Variants in TMCO1 observed in about 807,000 individuals in gnomAD.
TMCO1 encodes the protein calcium load-activated calcium channel.
TMCO1 carries 29 observed loss-of-function variants against 29.3 expected under a neutral mutation model. The ratio of observed to expected loss-of-function variants is 0.99; its 90% CI spans 0.74 to 1.35. The LOEUF (loss-of-function observed/expected upper bound fraction) is 1.35. TMCO1 is among the 40% of genes most tolerant of loss of function. TMCO1 has a pLI of 0.00. For missense variants in TMCO1, 173 were observed against 225.5 expected, an observed-to-expected ratio of 0.77 and a Z score of 1.49; for synonymous variants, 80 against 77.1, an observed-to-expected ratio of 1.04 and a Z score of -0.20.
downstream of TMCO1, chr1:165,725,719 C>A (rs1460499947): frequency 1.1e-5 from 5 of 454,022 alleles, no homozygotes; most frequent in Non-Finnish European, 2.2e-5. Flanking sequence ...TTCTTCAGGA[C>A]AAGAAATTTT....
downstream of TMCO1, chr1:165,724,368 T>G (rs775909409): frequency 1.1e-5 from 5 of 453,954 alleles, no homozygotes; most frequent in African/African-American, 8.0e-5. Context: ...ACCAATAGTA[T>G]GAAAAAACCA....
chr1:165,761,872 C>T (rs1037371761), intron 2 of TMCO1, among the ~76,000 whole-genome samples: 2 of 151,796 alleles, frequency 1.3e-5, no homozygotes, highest in Admixed American at 6.6e-5. Context: ...TCATGGAAGC[C>T]CAGGAAGTCA....
At chr1:165,724,646 T>C (rs1268297325), downstream of TMCO1, 1 of 454,082 alleles carries the variant, frequency 2.2e-6, no homozygotes, top group East Asian at 6.9e-5. Context: ...CACTCTAGTT[T>C]GAGGACCACA....
intron 2 of TMCO1, among the ~76,000 whole-genome samples, chr1:165,764,951 G>C (rs1432323697): frequency 6.6e-6 from 1 of 152,146 alleles, no homozygotes; most frequent in Non-Finnish European, 1.5e-5. Flanking sequence ...GATGTGAAAT[G>C]ATCTGAAAAC....
At chr1:165,768,430 C>T (rs1330991767) in intron 1 of TMCO1, 161 bp from the exon 2 acceptor site, 1 of 1,520,868 alleles carries the variant, frequency 6.6e-7, no homozygotes, top group Non-Finnish European at 8.9e-7. Flanking sequence ...TCAGCCAAAA[C>T]AACAGTAACA....
At chr1:165,726,274 A>G (rs1307708998), downstream of TMCO1, 1 of 696,978 alleles carries the variant, frequency 1.4e-6, no homozygotes, top group South Asian at 1.5e-5. Context: ...TAGTCTCAGA[A>G]TAGGGACTTC....
At chr1:165,726,482 T>C, downstream of TMCO1, 1 of 538,990 alleles carries the variant, frequency 1.9e-6, no homozygotes, top group Non-Finnish European at 3.5e-6. Context: ...GCCTGGACTA[T>C]TAGGCTTTAC....
intron 6 of TMCO1, among the ~76,000 whole-genome samples, chr1:165,739,883 G>A (rs1331709988): frequency 2.6e-5 from 4 of 151,954 alleles, no homozygotes; most frequent in Non-Finnish European, 5.9e-5. Flanking sequence ...GGCCCAGGTG[G>A]GTGGATCACC....
At position 165,768,674 on chromosome 1, in the gene TMCO1, G is replaced by A. The variant is rs1341528681; in HGVS notation, c.70+8C>T. On this transcript the variant is annotated splice_region_variant and intron_variant, in intron 1 of 6. Transcript: ENST00000367881. ...CTGATCAAACGTCTGAGAAATACCCGCTCTCACCCTCTGCGAGCAGAGCCG... is the reference window on the plus strand; with the variant it reads ...CTGATCAAACGTCTGAGAAATACCCACTCTCACCCTCTGCGAGCAGAGCCG... 2 of 1,613,868 alleles carry A rather than the reference G, an allele frequency of 1.2e-6. No individual in the cohort carries two copies. The highest frequency in any genetic ancestry group is 2.7e-5 in the African/African-American group (2 of 74,832).
At chr1:165,732,601 T>C (rs1651213647) in intron 6 of TMCO1, among the ~76,000 whole-genome samples, 1 of 151,672 alleles carries the variant, frequency 6.6e-6, no homozygotes, top group South Asian at 2.1e-4. Flanking sequence ...TAACATAAAC[T>C]ATGGATTTGG....
intron 3 of TMCO1, among the ~76,000 whole-genome samples, chr1:165,757,147 T>C (rs1240890349): frequency 6.6e-6 from 1 of 152,220 alleles, no homozygotes; most frequent in Admixed American, 6.5e-5. Flanking sequence ...CTTTTCCTGA[T>C]ATTGAAAACT....
At chr1:165,762,446 G>T (rs1652432893) in intron 2 of TMCO1, among the ~76,000 whole-genome samples, 1 of 152,052 alleles carries the variant, frequency 6.6e-6, no homozygotes, top group South Asian at 2.1e-4. Flanking sequence ...TAAAAAGACA[G>T]AAGGCTAGAG....
At position 165,727,511 on chromosome 1, in the gene TMCO1, GCAAAA is replaced by G. The variant is rs1558026709; in HGVS notation, c.*507_*511del. On this transcript the variant is annotated 3_prime_UTR_variant, in exon 7 of 7. Transcript: ENST00000367881. ...GCTAAAACTTATATCTAGAAATACG[GCAAAA>G]CAAAATGAAACAGATCTCTCCTTGT... The G allele has an allele frequency of 2.2e-6, 1 of 452,998 alleles. No individual in the cohort carries two copies. Among genetic ancestry groups the G allele is most frequent in the East Asian group, 7.0e-5 (1 of 14,356 alleles). The allele number at this position is 452,998 out of a possible 1,614,324, so 28.1% of individuals were successfully genotyped here.
chr1:165,735,731 T>C (rs1189920442), intron 6 of TMCO1, among the ~76,000 whole-genome samples: 1 of 152,062 alleles, frequency 6.6e-6, no homozygotes, highest in African/African-American at 2.4e-5. Flanking sequence ...GCAAGGTTGG[T>C]CTGGAACTCC....
At chr1:165,739,136 T>C (rs1265551822) in intron 6 of TMCO1, among the ~76,000 whole-genome samples, 1 of 152,214 alleles carries the variant, frequency 6.6e-6, no homozygotes, top group Non-Finnish European at 1.5e-5. Context: ...TTTTTTGTAT[T>C]CAGCAAGCAT....
chr1:165,752,049 A>T (rs1652010875), intron 5 of TMCO1, 53 bp downstream of exon 5: 2 of 1,391,788 alleles, frequency 1.4e-6, no homozygotes, highest in Non-Finnish European at 2.0e-6. Flanking sequence ...GCTAACATAC[A>T]TACAAATATA....
chr1:165,768,768 T>C lies in TMCO1; in HGVS notation c.-17A>G, dbSNP rs1652680600. 6.2e-7 allele frequency: 1 copy of C among 1,614,054 alleles called. No individual in the cohort carries two copies. Among genetic ancestry groups the C allele is most frequent in the African/African-American group, 1.3e-5 (1 of 75,022 alleles). On this transcript the variant is annotated 5_prime_UTR_variant, in exon 1 of 7. Coordinates refer to ENST00000367881, the MANE Select transcript of TMCO1 (RefSeq NM_019026.6). Reference sequence around the variant, plus strand: ...AGTGCTCATCTCGCACCTTCGTCTCTGCACTCTCACCCGCCAGGGGGAAAG... The same window carrying C: ...AGTGCTCATCTCGCACCTTCGTCTCCGCACTCTCACCCGCCAGGGGGAAAG...
intron 3 of TMCO1, among the ~76,000 whole-genome samples, chr1:165,757,730 T>C (rs1280891151): frequency 6.6e-6 from 1 of 152,210 alleles, no homozygotes; most frequent in Admixed American, 6.5e-5. Flanking sequence ...ACTCCTGACC[T>C]CAGGTGACCC....
At chr1:165,724,995 TCTC>T (rs1650796544), downstream of TMCO1, 1 of 103,894 alleles carries the variant, frequency 9.6e-6, no homozygotes, top group Non-Finnish European at 1.8e-5. Flanking sequence ...TTTCTCTCTC[TCTC>T]TCTCTCTCTC....
Sources: allele counts gnomAD v4.1 joint callset (sites outside exome capture counted in the v4.1 genomes callset), GRCh38; gene constraint gnomAD v4.1.1; transcripts MANE v1.5; gene names NCBI Gene and HGNC (gene_info 2026-07-23, HGNC 2026-07-21).